Variants in GRIK4 observed in about 807,000 individuals in gnomAD.
GRIK4 encodes glutamate receptor ionotropic, kainate 4.
A neutral mutation model predicts 104.9 loss-of-function variants in GRIK4; 40 were observed. The observed-to-expected ratio is 0.38, with a 90% CI of 0.30 to 0.50. The LOEUF (loss-of-function observed/expected upper bound fraction) is 0.50, where lower values mean the gene tolerates loss of function less well. Among genes scored for constraint, GRIK4 ranks in the 20% least tolerant of loss-of-function variants. The probability of loss-of-function intolerance (pLI) is 0.93; values close to 1 mark genes in which losing one functional copy is unlikely to be tolerated. For synonymous variants in GRIK4, 485 were observed against 524.9 expected, an observed-to-expected ratio of 0.92 and a Z score of 1.04; for missense variants, 1,047 against 1,308.1, an observed-to-expected ratio of 0.80 and a Z score of 3.08.
intron 1 of GRIK4, among the ~76,000 whole-genome samples, chr11:120,604,200 A>G (rs1406370822): frequency 7.0e-6 from 1 of 143,042 alleles, no homozygotes. Flanking sequence ...AAAAAAAAGA[A>G]TGATCTGCCC....
intron 1 of GRIK4, among the ~76,000 whole-genome samples, chr11:120,550,303 T>C (rs1228351991): frequency 3.7e-5 from 3 of 80,946 alleles, no homozygotes; most frequent in Admixed American, 1.9e-4. Flanking sequence ...GGGAGGAGGA[T>C]GGGGCTGTTA....
chr11:120,623,892 G>A (rs533686147), intron 1 of GRIK4, among the ~76,000 whole-genome samples: 2 of 152,120 alleles, frequency 1.3e-5, no homozygotes, highest in Admixed American at 1.3e-4. Context: ...GCTGCCCTCC[G>A]TGGCACCCTG....
intron 3 of GRIK4, among the ~76,000 whole-genome samples, chr11:120,689,057 A>T (rs913758872): frequency 1.3e-5 from 2 of 152,144 alleles, no homozygotes; most frequent in African/African-American, 2.4e-5. Context: ...AGGTGCTAGG[A>T]TGGAAGAAGG....
chr11:120,621,884 A>G (rs896990617), intron 1 of GRIK4, among the ~76,000 whole-genome samples: 2 of 151,732 alleles, frequency 1.3e-5, no homozygotes, highest in African/African-American at 2.4e-5. Context: ...TATGTCATTT[A>G]TTATTATTAT....
At chr11:120,545,407 G>A (rs1386116073) in intron 1 of GRIK4, among the ~76,000 whole-genome samples, 1 of 152,124 alleles carries the variant, frequency 6.6e-6, no homozygotes, top group Non-Finnish European at 1.5e-5. Context: ...AATGTAAGAG[G>A]GTGGAAATTG....
intron 1 of GRIK4, among the ~76,000 whole-genome samples, chr11:120,540,142 C>T (rs779546341): frequency 1.3e-5 from 2 of 152,158 alleles, no homozygotes; most frequent in Admixed American, 6.5e-5. Context: ...AGAAAGGCTT[C>T]ACAGTCCTGG....
At chr11:120,666,125 C>T (rs577819940) in intron 3 of GRIK4, among the ~76,000 whole-genome samples, 142 of 152,302 alleles carry the variant, frequency 9.3e-4, no homozygotes, top group African/African-American at 3.3e-3. Flanking sequence ...GACTCCCAAC[C>T]GCCTGGGTGA....
chr11:120,761,331 G>T (rs887833077), intron 3 of GRIK4, among the ~76,000 whole-genome samples: 1 of 152,088 alleles, frequency 6.6e-6, no homozygotes, highest in African/African-American at 2.4e-5. Flanking sequence ...TAAGTTCCTT[G>T]TAGATTCTGG....
intron 3 of GRIK4, among the ~76,000 whole-genome samples, chr11:120,725,005 C>T (rs553721004): frequency 7.8e-4 from 118 of 152,172 alleles, no homozygotes; most frequent in African/African-American, 1.4e-3. Context: ...CTCAACTATT[C>T]GCATAATAAA....
intron 9 of GRIK4, chr11:120,873,200 C>T (rs1311438223): frequency 6.6e-6 from 1 of 152,344 alleles, no homozygotes; most frequent in East Asian, 1.9e-4. Context: ...TCCAGCCCCG[C>T]CCCTCCTCTG....
At chr11:120,652,009 C>A (rs970657009) in intron 1 of GRIK4, among the ~76,000 whole-genome samples, 4 of 152,134 alleles carry the variant, frequency 2.6e-5, no homozygotes, top group Admixed American at 2.6e-4. Context: ...GTTCCCGGAG[C>A]CAACGCCCAG....
chr11:120,725,237 A>G (rs1003594579), intron 3 of GRIK4, among the ~76,000 whole-genome samples: 7 of 152,216 alleles, frequency 4.6e-5, no homozygotes, highest in African/African-American at 1.7e-4. Flanking sequence ...CCAGCAGCAT[A>G]GACAGGGCCC....
chr11:120,533,711 C>G (rs1346790436), intron 1 of GRIK4, among the ~76,000 whole-genome samples: 1 of 152,128 alleles, frequency 6.6e-6, no homozygotes, highest in Admixed American at 6.5e-5. Flanking sequence ...AACCCTGTCT[C>G]TACAAAAAAT....
intron 19 of GRIK4, among the ~76,000 whole-genome samples, chr11:120,971,567 C>T (rs768115396): frequency 1.3e-5 from 2 of 152,166 alleles, no homozygotes; most frequent in African/African-American, 2.4e-5. Context: ...AGGCACTGTG[C>T]GAGGCTCTGA....
rs1378633815 is a variant in GRIK4 at position 120,566,404 on chromosome 11, A to T, written c.-159+54517A>T. 3.9e-5 allele frequency among the ~76,000 whole-genome samples: 6 copies of T among 152,228 alleles called. No homozygotes were observed. In the East Asian group the frequency reaches 1.2e-3, roughly 29 times the overall value. On this transcript the variant is annotated intron_variant, in intron 1 of 20. Transcript: ENST00000527524. Reference sequence around the variant, plus strand: ...CTGAGTAAGGTCTCAGGTGTCAGATAAGCCCATGCTGGTGTTAAAATAGAC... The same window carrying T: ...CTGAGTAAGGTCTCAGGTGTCAGATTAGCCCATGCTGGTGTTAAAATAGAC...
intron 18 of GRIK4, among the ~76,000 whole-genome samples, chr11:120,963,987 A>AT (rs1420312807): frequency 9.2e-5 from 1 of 10,868 alleles, no homozygotes; most frequent in Non-Finnish European, 1.5e-4. Context: ...TTATTTATTT[A>AT]TTTATTTATT....
intron 1 of GRIK4, among the ~76,000 whole-genome samples, chr11:120,575,461 C>T (rs1948470548): frequency 1.3e-5 from 2 of 152,142 alleles, no homozygotes; most frequent in Non-Finnish European, 1.5e-5. Context: ...AGGCCTCCTC[C>T]ACCCCACAGA....
rs186890716 is a variant in GRIK4, at chr11:120,536,351, T to C, written c.-159+24464T>C. Among the ~76,000 whole-genome samples, 6 of 152,286 alleles carry C rather than the reference T, an allele frequency of 3.9e-5. No individual in the cohort carries two copies. The East Asian group carries it at 1.2e-3, about 29-fold the overall frequency. ...CTGTTTCAAAAGCTTTCCGAGTCTA[T>C]GTGTCTTAGCTGGGGGGTGTCTTAA... On this transcript the variant is annotated intron_variant, in intron 1 of 20. Coordinates refer to ENST00000527524, the MANE Select transcript of GRIK4 (RefSeq NM_014619.5).
intron 4 of GRIK4, among the ~76,000 whole-genome samples, chr11:120,809,776 G>T (rs940109517): frequency 7.2e-5 from 11 of 152,148 alleles, no homozygotes; most frequent in Admixed American, 6.5e-5. Context: ...CATTGGGAAG[G>T]TTGAGGGGCT....
Sources: allele counts gnomAD v4.1 joint callset (sites outside exome capture counted in the v4.1 genomes callset), GRCh38; gene constraint gnomAD v4.1.1; transcripts MANE v1.5; gene names NCBI Gene and HGNC (gene_info 2026-07-23, HGNC 2026-07-21).